Variants in TENM2 observed in about 807,000 individuals in gnomAD.
The protein encoded by TENM2 is teneurin-2.
Under a neutral mutation model 245.2 loss-of-function variants are expected in TENM2, and 52 were observed. The observed-to-expected ratio is 0.21, with a 90% CI of 0.17 to 0.27. The LOEUF is 0.27. Ranked by LOEUF, TENM2 falls within the 10% of genes least tolerant of loss-of-function variation. TENM2 has a pLI of 1.00. For missense variants in TENM2, 3,046 were observed against 3,666.8 expected, an observed-to-expected ratio of 0.83 and a Z score of 4.37; for synonymous variants, 1,363 against 1,438.9, an observed-to-expected ratio of 0.95 and a Z score of 1.19.
At chr5:167,400,063 G>C (rs1762276873) in intron 2 of TENM2, among the ~76,000 whole-genome samples, 2 of 152,150 alleles carry the variant, frequency 1.3e-5, no homozygotes, top group Admixed American at 6.6e-5. Flanking sequence ...GCATAGCAAA[G>C]TATTTTGACT....
intron 2 of TENM2, among the ~76,000 whole-genome samples, chr5:167,416,829 C>G (rs1240322367): frequency 6.6e-6 from 1 of 152,100 alleles, no homozygotes. Flanking sequence ...TTTTAGCTGT[C>G]TATAGATATT....
chr5:167,902,887 T>C (rs1048518288), intron 3 of TENM2, among the ~76,000 whole-genome samples: 20 of 152,220 alleles, frequency 1.3e-4, no homozygotes, highest in Admixed American at 1.0e-3. Context: ...CATATTATTC[T>C]GTACTCCTGG....
chr5:168,179,180 C>T (rs1759637514), intron 13 of TENM2, among the ~76,000 whole-genome samples: 1 of 146,360 alleles, frequency 6.8e-6, no homozygotes, highest in Non-Finnish European at 1.5e-5. Flanking sequence ...AGACAACCAA[C>T]ATGTGAATCA....
intron 3 of TENM2, among the ~76,000 whole-genome samples, chr5:167,904,834 G>C (rs1488164204): frequency 6.6e-6 from 1 of 152,108 alleles, no homozygotes; most frequent in African/African-American, 2.4e-5. Flanking sequence ...CACTGAAAAT[G>C]CCTCATCTCA....
chr5:167,246,992 G>C, the TENM2 span, among the ~76,000 whole-genome samples: 1 of 152,136 alleles, frequency 6.6e-6, no homozygotes, highest in South Asian at 2.1e-4. Flanking sequence ...TAAAATACTT[G>C]TCCCTAACTT....
chr5:168,228,457 GTCT>G (rs965311472), intron 25 of TENM2, among the ~76,000 whole-genome samples: 1 of 152,196 alleles, frequency 6.6e-6, no homozygotes, highest in African/African-American at 2.4e-5. Flanking sequence ...GACAGCTTTG[GTCT>G]TCTTTTCACA....
At chr5:167,613,985 C>T (rs1244129278) in intron 2 of TENM2, among the ~76,000 whole-genome samples, 6 of 151,920 alleles carry the variant, frequency 3.9e-5, no homozygotes, top group Non-Finnish European at 8.8e-5. Flanking sequence ...GAAAATCAAC[C>T]AGATTTTTAT....
At chr5:168,209,281 T>C (rs185765875) in intron 19 of TENM2, among the ~76,000 whole-genome samples, 1 of 152,358 alleles carries the variant, frequency 6.6e-6, no homozygotes, top group East Asian at 1.9e-4. Flanking sequence ...GAGTGAATAA[T>C]CTAAATAGTC....
intron 2 of TENM2, among the ~76,000 whole-genome samples, chr5:167,856,931 C>T (rs1474626149): frequency 1.3e-5 from 2 of 152,146 alleles, no homozygotes; most frequent in Non-Finnish European, 2.9e-5. Context: ...ACATGTTTAT[C>T]CATTTTTGTC....
Position 167,810,325 on chromosome 5 carries a change from A to G in TENM2, c.503-65661A>G, listed in dbSNP as rs555503680. On this transcript the variant is annotated intron_variant, in intron 2 of 28. Transcript: ENST00000518659. Reference sequence around the variant, plus strand: ...TACTAAATCACGGTGTTAGTGGCGCATACAGAAAGGCAGAAGTTTCCAGTG... The same window carrying G: ...TACTAAATCACGGTGTTAGTGGCGCGTACAGAAAGGCAGAAGTTTCCAGTG... Among the ~76,000 whole-genome samples the G allele has an allele frequency of 2.5e-4, 38 of 152,210 alleles. 1 individual carries two copies. The South Asian group carries it at 7.7e-3, about 31-fold the overall frequency.
intron 2 of TENM2, among the ~76,000 whole-genome samples, chr5:167,424,970 A>G (rs1303685309): frequency 6.6e-6 from 1 of 152,186 alleles, no homozygotes; most frequent in Non-Finnish European, 1.5e-5. Context: ...TTTTATTATA[A>G]GTATATCACA....
At chr5:167,107,152 C>A in the TENM2 span, among the ~76,000 whole-genome samples, 2 of 149,440 alleles carry the variant, frequency 1.3e-5, no homozygotes, top group East Asian at 2.0e-4. Flanking sequence ...TCCCAGCTAA[C>A]TGGGGAGGCT....
chr5:167,877,495 C>G (rs547710819), intron 3 of TENM2, among the ~76,000 whole-genome samples: 56 of 152,308 alleles, frequency 3.7e-4, no homozygotes, highest in African/African-American at 1.3e-3. Context: ...TAGAACTCAT[C>G]AGAGCTTCTA....
At chr5:167,741,554 C>A (rs976347820) in intron 2 of TENM2, among the ~76,000 whole-genome samples, 1 of 152,306 alleles carries the variant, frequency 6.6e-6, no homozygotes, top group African/African-American at 2.4e-5. Flanking sequence ...TACCTCTACA[C>A]AAATTCCTCT....
chr5:167,960,301 C>T (rs1473571068), intron 4 of TENM2, among the ~76,000 whole-genome samples: 1 of 152,220 alleles, frequency 6.6e-6, no homozygotes, highest in Non-Finnish European at 1.5e-5. Flanking sequence ...CCACAGCCGC[C>T]CCTTCCCCCA....
At chr5:168,161,580 G>A (rs1348064068) in intron 12 of TENM2, among the ~76,000 whole-genome samples, 2 of 152,118 alleles carry the variant, frequency 1.3e-5, no homozygotes, top group Non-Finnish European at 2.9e-5. Context: ...TTGTGAGTGT[G>A]GCCACATCCT....
chr5:167,931,042 T>A (rs1276204316), intron 3 of TENM2, among the ~76,000 whole-genome samples: 1 of 152,198 alleles, frequency 6.6e-6, no homozygotes, highest in African/African-American at 2.4e-5. Context: ...ATTCTGACCA[T>A]GCCTTATGCT....
chr5:167,893,423 G>T (rs1005256545), intron 3 of TENM2, among the ~76,000 whole-genome samples: 70 of 152,140 alleles, frequency 4.6e-4, no homozygotes, highest in African/African-American at 1.5e-3. Context: ...ACAACGAGGC[G>T]CACGTATCAA....
the TENM2 span, among the ~76,000 whole-genome samples, chr5:167,254,507 C>A: frequency 1.4e-4 from 21 of 152,210 alleles, no homozygotes; most frequent in Non-Finnish European, 2.2e-4. Context: ...AATGAACCAG[C>A]CCTTCTCTTA....
Sources: allele counts gnomAD v4.1 joint callset (sites outside exome capture counted in the v4.1 genomes callset), GRCh38; gene constraint gnomAD v4.1.1; transcripts MANE v1.5; gene names NCBI Gene and HGNC (gene_info 2026-07-23, HGNC 2026-07-21).